The following FBXL13 variants were observed in gnomAD, a reference collection of about 807,000 sequenced individuals.
FBXL13 encodes F-box and leucine-rich repeat protein 13.
Under a neutral mutation model 83.6 loss-of-function variants are expected in FBXL13, and 67 were observed. The ratio of observed to expected loss-of-function variants is 0.80; its 90% CI spans 0.66 to 0.98. The LOEUF (loss-of-function observed/expected upper bound fraction) is 0.98. Among genes scored for constraint, FBXL13 ranks in the 50% least tolerant of loss-of-function variants. The pLI is 0.00. For synonymous variants in FBXL13, 272 were observed against 299.5 expected, an observed-to-expected ratio of 0.91 and a Z score of 0.95; for missense variants, 822 against 866.5, an observed-to-expected ratio of 0.95 and a Z score of 0.64.
At position 102,989,067 on chromosome 7, in the gene FBXL13, C is replaced by A. The variant is rs147899290; in HGVS notation, c.496-20950G>T. 3.6e-4 allele frequency among the ~76,000 whole-genome samples: 55 copies of A among 152,274 alleles called. No homozygotes were observed. The East Asian group carries it at 9.8e-3, about 27-fold the overall frequency. On this transcript the variant is annotated intron_variant, in intron 6 of 19. Coordinates refer to ENST00000313221, the Ensembl canonical transcript of FBXL13. ...TACAAACAGAATTCTTAGAAGACAG[C>A]AGCCAAGGGAGTAGCAGGGATGGGG...
intron 17 of FBXL13, among the ~76,000 whole-genome samples, chr7:102,842,219 A>G (rs1027441014): frequency 6.6e-6 from 1 of 152,210 alleles, no homozygotes; most frequent in Non-Finnish European, 1.5e-5. Context: ...TCATTTTGGA[A>G]AGGAGTCCTC....
At chr7:102,989,851 G>A (rs1829376816) in intron 6 of FBXL13, among the ~76,000 whole-genome samples, 1 of 152,194 alleles carries the variant, frequency 6.6e-6, no homozygotes, top group South Asian at 2.1e-4. Context: ...TCCTGTAAAA[G>A]AGGTTGGATC....
At chr7:103,040,659 GATT>G (rs1349684719) in intron 2 of FBXL13, among the ~76,000 whole-genome samples, 1 of 152,128 alleles carries the variant, frequency 6.6e-6, no homozygotes, top group Non-Finnish European at 1.5e-5. Context: ...TAGTACTCAG[GATT>G]AATAAACTCA....
intron 2 of FBXL13, chr7:103,050,138 A>T (rs1796663886): frequency 6.6e-6 from 1 of 152,376 alleles, no homozygotes; most frequent in South Asian, 2.1e-4. Context: ...AAAGCACATC[A>T]GATTCACTAC....
intron 6 of FBXL13, among the ~76,000 whole-genome samples, chr7:102,970,975 C>G (rs927026796): frequency 3.3e-5 from 5 of 152,130 alleles, no homozygotes; most frequent in Non-Finnish European, 7.4e-5. Flanking sequence ...CAACACACAT[C>G]TTTACAGAAT....
intron 19 of FBXL13, among the ~76,000 whole-genome samples, chr7:102,819,199 C>A (rs1798452206): frequency 6.6e-6 from 1 of 152,138 alleles, no homozygotes; most frequent in Non-Finnish European, 1.5e-5. Context: ...GTTGCCTTTC[C>A]CCACAGAGGG....
At chr7:102,904,507 T>C (rs550425495) in intron 11 of FBXL13, among the ~76,000 whole-genome samples, 132 of 152,214 alleles carry the variant, frequency 8.7e-4, no homozygotes, top group African/African-American at 3.1e-3. Context: ...TGCTAAACAT[T>C]TGTCAACTTT....
At chr7:102,947,934 A>G (rs1371360961) in intron 8 of FBXL13, among the ~76,000 whole-genome samples, 1 of 152,162 alleles carries the variant, frequency 6.6e-6, no homozygotes, top group Non-Finnish European at 1.5e-5. Flanking sequence ...GTTAAGCAGC[A>G]CTGCTTTTTC....
intron 11 of FBXL13, among the ~76,000 whole-genome samples, chr7:102,895,520 G>GC (rs1173752748): frequency 6.6e-6 from 1 of 152,150 alleles, no homozygotes; most frequent in African/African-American, 2.4e-5. Flanking sequence ...TGGTTTCTAG[G>GC]CATTTGGGCT....
chr7:102,988,661 A>T (rs1829251057), intron 6 of FBXL13: 1 of 152,156 alleles, frequency 6.6e-6, no homozygotes, highest in Non-Finnish European at 1.5e-5. Flanking sequence ...TCAGGCAAAG[A>T]ACTCCTTCAT....
At chr7:102,958,736 A>G (rs1031287988) in intron 8 of FBXL13, among the ~76,000 whole-genome samples, 5 of 151,940 alleles carry the variant, frequency 3.3e-5, no homozygotes, top group African/African-American at 1.2e-4. Context: ...TTTTTTTCAA[A>G]AATGTATAAC....
chr7:102,948,960 C>T (rs1335230363), intron 8 of FBXL13, among the ~76,000 whole-genome samples: 1 of 152,340 alleles, frequency 6.6e-6, no homozygotes, highest in East Asian at 1.9e-4. Context: ...GATCCGCGTG[C>T]CTTGGCCTCT....
At chr7:102,883,731 GT>G in intron 12 of FBXL13, 46 bp from the exon 14 acceptor site, 2 of 1,181,278 alleles carry the variant, frequency 1.7e-6, no homozygotes, top group Non-Finnish European at 2.5e-6. Context: ...TACAGAACAG[GT>G]TTAGCAAGGT....
intron 11 of FBXL13, among the ~76,000 whole-genome samples, chr7:102,911,153 T>C (rs949609513): frequency 1.3e-5 from 2 of 152,234 alleles, no homozygotes; most frequent in East Asian, 1.9e-4. Context: ...TGTTCCACCA[T>C]CTTGCTTCAC....
intron 2 of FBXL13, among the ~76,000 whole-genome samples, chr7:103,042,939 G>A (rs376359059): frequency 6.6e-6 from 1 of 152,242 alleles, no homozygotes; most frequent in South Asian, 2.1e-4. Flanking sequence ...AACACCAAAA[G>A]CAATGGCAAC....
intron 17 of FBXL13, among the ~76,000 whole-genome samples, chr7:102,835,037 A>G (rs1294402270): frequency 6.6e-6 from 1 of 152,196 alleles, no homozygotes; most frequent in Non-Finnish European, 1.5e-5. Context: ...GACACCAATA[A>G]TAATAAAGAT....
chr7:102,890,390 C>T (rs2129460225), intron 11 of FBXL13, among the ~76,000 whole-genome samples: 1 of 152,320 alleles, frequency 6.6e-6, no homozygotes, highest in Middle Eastern at 3.4e-3. Flanking sequence ...GCCACCCTGT[C>T]CTTTGCTGGT....
At chr7:102,851,545 CCTT>C (rs1396210727) in intron 17 of FBXL13, among the ~76,000 whole-genome samples, 5 of 133,774 alleles carry the variant, frequency 3.7e-5, no homozygotes, top group Non-Finnish European at 8.0e-5. Flanking sequence ...TCTTCCTTTT[CCTT>C]CTTCTTCTCT....
intron 6 of FBXL13, among the ~76,000 whole-genome samples, chr7:102,983,477 T>C (rs150676787): frequency 8.7e-4 from 129 of 148,328 alleles, no homozygotes; most frequent in African/African-American, 3.1e-3. Flanking sequence ...TGGAGTGCAG[T>C]GGTGTGATAT....
Sources: gnomAD v4.1 joint callset for allele counts (sites outside exome capture counted in the v4.1 genomes callset) on GRCh38, gnomAD v4.1.1 for gene constraint, MANE v1.5 for transcripts, NCBI Gene and HGNC (gene_info 2026-07-23, HGNC 2026-07-21) for gene names.